CWC27: variants seen among roughly 807,000 people sequenced by gnomAD.
CWC27 encodes the protein CWC27 spliceosome associated cyclophilin.
A neutral mutation model predicts 63.6 loss-of-function variants in CWC27; 47 were observed. That is an observed-to-expected ratio of 0.74 (90% confidence interval 0.58 to 0.94). The LOEUF is 0.94. CWC27 is among the 40% of genes least tolerant of loss of function. CWC27 has a pLI of 0.00. For missense variants in CWC27, 495 were observed against 554.3 expected (o/e 0.89, Z 1.07); for synonymous variants, 175 against 179.8 (o/e 0.97, Z 0.22).
chr5:64,980,739 T>G (rs1172543851), intron 13 of CWC27, among the ~76,000 whole-genome samples: 1 of 152,134 alleles, frequency 6.6e-6, no homozygotes, highest in African/African-American at 2.4e-5. Flanking sequence ...TTTGAAAAAA[T>G]ACCAACAATT....
chr5:64,844,837 A>G, intron 10 of CWC27: 2 of 452,738 alleles, frequency 4.4e-6, no homozygotes, highest in Admixed American at 2.4e-5. Flanking sequence ...GCCACAAAGC[A>G]ATCCCATGGC....
intron 13 of CWC27, among the ~76,000 whole-genome samples, chr5:65,010,162 A>G (rs568939350): frequency 6.6e-6 from 1 of 152,320 alleles, no homozygotes; most frequent in East Asian, 1.9e-4. Flanking sequence ...GGGCAGTCAG[A>G]AAAGAATTTT....
In CWC27 at chr5:64,800,238, T is replaced by C. The variant is rs1744441205; in HGVS notation, c.670-10T>C. 1.3e-6 allele frequency: 2 copies of C among 1,590,818 alleles called. No homozygotes were observed. Among genetic ancestry groups the C allele is most frequent in the African/African-American group, 2.7e-5 (2 of 74,292 alleles). Reference sequence around the variant, plus strand: ...TCCCCCCTCATGATTATATTGTACATTCTTTGCAGAGCATGAAGGGCAAAA... The same window carrying C: ...TCCCCCCTCATGATTATATTGTACACTCTTTGCAGAGCATGAAGGGCAAAA... On this transcript the variant is annotated splice_polypyrimidine_tract_variant and intron_variant, in intron 7 of 13. Transcript: ENST00000381070.
chr5:64,922,875 C>G (rs1249269974), intron 11 of CWC27, among the ~76,000 whole-genome samples: 1 of 152,184 alleles, frequency 6.6e-6, no homozygotes, highest in Non-Finnish European at 1.5e-5. Flanking sequence ...TTTCTGGATG[C>G]TTTTGGAGGG....
intron 1 of CWC27, among the ~76,000 whole-genome samples, chr5:64,770,194 T>C (rs1186243083): frequency 6.6e-6 from 1 of 152,258 alleles, no homozygotes; most frequent in Non-Finnish European, 1.5e-5. Flanking sequence ...AAAAATGCTG[T>C]AATTCCCAGC....
intron 13 of CWC27, among the ~76,000 whole-genome samples, chr5:65,003,210 A>G (rs1345075553): frequency 6.6e-6 from 1 of 152,184 alleles, no homozygotes; most frequent in East Asian, 1.9e-4. Context: ...TAGGCAGCAT[A>G]TTGCTGGGTC....
intron 11 of CWC27, among the ~76,000 whole-genome samples, chr5:64,937,312 G>A (rs1748375456): frequency 6.6e-6 from 1 of 152,104 alleles, no homozygotes; most frequent in African/African-American, 2.4e-5. Context: ...GTTTTCATTG[G>A]TTTCAAAGAA....
chr5:64,961,467 T>G (rs1748910960), intron 11 of CWC27, among the ~76,000 whole-genome samples: 1 of 152,180 alleles, frequency 6.6e-6, no homozygotes, highest in African/African-American at 2.4e-5. Context: ...TTAATTTTAT[T>G]TTAACGCCAT....
chr5:64,807,634 T>G (rs1386339793), intron 10 of CWC27: 1 of 1,535,760 alleles, frequency 6.5e-7, no homozygotes, highest in Non-Finnish European at 8.7e-7. Context: ...GACTACTGGA[T>G]ACAGCTCAGC....
intron 10 of CWC27, among the ~76,000 whole-genome samples, chr5:64,809,618 C>G (rs1413506408): frequency 6.6e-6 from 1 of 152,216 alleles, no homozygotes; most frequent in Non-Finnish European, 1.5e-5. Context: ...CCACCCGCCT[C>G]TGCCTCCCAA....
At chr5:64,814,957 A>G (rs542864891) in intron 10 of CWC27, among the ~76,000 whole-genome samples, 6 of 152,100 alleles carry the variant, frequency 3.9e-5, no homozygotes, top group Non-Finnish European at 5.9e-5. Flanking sequence ...TGGATGTAGG[A>G]GACCTGAAGG....
intron 11 of CWC27, among the ~76,000 whole-genome samples, chr5:64,905,818 T>C (rs189951387): frequency 4.9e-4 from 75 of 152,288 alleles, no homozygotes; most frequent in African/African-American, 1.8e-3. Flanking sequence ...CCTAATGCTG[T>C]GCCTCCCCCT....
intron 11 of CWC27, among the ~76,000 whole-genome samples, chr5:64,909,066 TAGGGC>T (rs1747727416): frequency 1.3e-5 from 2 of 152,320 alleles, no homozygotes; most frequent in South Asian, 4.1e-4. Context: ...GGAACTCTTG[TAGGGC>T]AGGCCTGGTG....
At chr5:64,782,506 C>G (rs1743737687) in intron 3 of CWC27, among the ~76,000 whole-genome samples, 1 of 127,802 alleles carries the variant, frequency 7.8e-6, no homozygotes, top group East Asian at 2.3e-4. Context: ...ATGCATTAAT[C>G]AAGAACAGGT....
At chr5:64,906,179 C>T (rs1747636068) in intron 11 of CWC27, among the ~76,000 whole-genome samples, 2 of 152,092 alleles carry the variant, frequency 1.3e-5, no homozygotes, top group Non-Finnish European at 2.9e-5. Flanking sequence ...ATTTATAATC[C>T]TATGGGTATA....
chr5:64,911,172 C>T (rs1414527554), intron 11 of CWC27, among the ~76,000 whole-genome samples: 1 of 152,228 alleles, frequency 6.6e-6, no homozygotes, highest in African/African-American at 2.4e-5. Flanking sequence ...CTGCCCTTTC[C>T]TCCCTCCGTG....
At chr5:64,821,608 A>G (rs1745198975) in intron 10 of CWC27, among the ~76,000 whole-genome samples, 1 of 152,226 alleles carries the variant, frequency 6.6e-6, no homozygotes, top group African/African-American at 2.4e-5. Context: ...CTTACATTCT[A>G]GTACTAACCC....
At chr5:64,840,362 TAAAAAAAAAAAAAAAAAAAAA>T (rs10534375) in intron 10 of CWC27, among the ~76,000 whole-genome samples, 2 of 22,238 alleles carry the variant, frequency 9.0e-5, no homozygotes, top group African/African-American at 2.9e-4. Flanking sequence ...CCTTTTTCAT[TAAAAAAAAAAAAAAAAAAAAA>T]AAAAAAAAAA....
intron 10 of CWC27, among the ~76,000 whole-genome samples, chr5:64,846,188 T>G (rs1256621684): frequency 6.6e-6 from 1 of 152,226 alleles, no homozygotes; most frequent in Non-Finnish European, 1.5e-5. Flanking sequence ...CTCAGTTTCA[T>G]GAAACATATG....
Sources: gnomAD v4.1 joint callset for allele counts (sites outside exome capture counted in the v4.1 genomes callset) on GRCh38, gnomAD v4.1.1 for gene constraint, MANE v1.5 for transcripts, NCBI Gene and HGNC (gene_info 2026-07-23, HGNC 2026-07-21) for gene names.